The following GRAMD1B variants were observed in gnomAD, a reference collection of about 807,000 sequenced individuals.
GRAMD1B encodes the protein GRAM domain containing 1B, also known as protein Aster-B.
Under a neutral mutation model 99.7 loss-of-function variants are expected in GRAMD1B, and 37 were observed. The observed-to-expected ratio is 0.37, with a 90% CI of 0.29 to 0.49. GRAMD1B has a LOEUF of 0.49. GRAMD1B is among the 20% of genes least tolerant of loss of function. The pLI is 0.98. For missense variants in GRAMD1B, 888 were observed against 1,009.2 expected, an observed-to-expected ratio of 0.88 and a Z score of 1.63; for synonymous variants, 427 against 387.6, an observed-to-expected ratio of 1.10 and a Z score of -1.19.
chr11:123,392,916 C>G (rs1565469634), intron 1 of GRAMD1B, among the ~76,000 whole-genome samples: 1 of 152,190 alleles, frequency 6.6e-6, no homozygotes, highest in Admixed American at 6.5e-5. Context: ...TTTACTTCAA[C>G]CACTTTTCTT....
At chr11:123,548,321 T>TAC (rs1484787385) in intron 2 of GRAMD1B, among the ~76,000 whole-genome samples, 9 of 107,216 alleles carry the variant, frequency 8.4e-5, no homozygotes, top group Non-Finnish European at 1.4e-4. Flanking sequence ...TATATATATA[T>TAC]ATATACACAC....
chr11:123,409,202 G>A (rs1204096909), intron 1 of GRAMD1B, among the ~76,000 whole-genome samples: 1 of 152,182 alleles, frequency 6.6e-6, no homozygotes, highest in Non-Finnish European at 1.5e-5. Flanking sequence ...TAATTTGGAA[G>A]GAGCACACCT....
At chr11:123,512,398 T>C (rs1046762011) in intron 2 of GRAMD1B, among the ~76,000 whole-genome samples, 1 of 152,230 alleles carries the variant, frequency 6.6e-6, no homozygotes, top group Non-Finnish European at 1.5e-5. Context: ...ATTCTGTGGC[T>C]GGTTTGGAAA....
rs554426652 is a variant in GRAMD1B, at chr11:123,549,310, C to T, written c.453-28057C>T. ...CTGTAATCCCAGCACTTTGGGAGGC[C>T]GAGGTGGGTGGATCACGAGGTCAGG... On this transcript the variant is annotated intron_variant, in intron 2 of 19. Transcript: ENST00000635736. Among the ~76,000 whole-genome samples, 5 of 152,018 alleles carry T rather than the reference C, an allele frequency of 3.3e-5. 1 individual carries two copies. Among genetic ancestry groups the T allele is most frequent in the Admixed American group, 2.0e-4 (3 of 15,256 alleles).
chr11:123,591,805 G>A lies in GRAMD1B; in HGVS notation c.685-2277G>A, dbSNP rs1297750934. On this transcript the variant is annotated intron_variant, in intron 4 of 19. Coordinates refer to ENST00000635736, the MANE Select transcript of GRAMD1B (RefSeq NM_001387025.1). This position sits in a 1 kb window ranked among gnomAD's most constrained non-coding sequence, Gnocchi z 4.7. Reference sequence around the variant, plus strand: ...CCTGCCATGCACACAACAGCCTTGTGGAATAGGCTTGTGTTGGGAAGCCTG... The same window carrying A: ...CCTGCCATGCACACAACAGCCTTGTAGAATAGGCTTGTGTTGGGAAGCCTG... Among the ~76,000 whole-genome samples, 2 of 152,208 alleles carry A rather than the reference G, an allele frequency of 1.3e-5. No homozygotes were observed. The highest frequency in any genetic ancestry group is 4.8e-5 in the African/African-American group (2 of 41,456).
At chr11:123,405,916 T>C (rs979116131) in intron 1 of GRAMD1B, among the ~76,000 whole-genome samples, 1 of 152,216 alleles carries the variant, frequency 6.6e-6, no homozygotes, top group African/African-American at 2.4e-5. Flanking sequence ...AAATTCTTTT[T>C]CAGTATTTTG....
chr11:123,615,112 G>C (rs1471287179), intron 17 of GRAMD1B, among the ~76,000 whole-genome samples: 1 of 152,198 alleles, frequency 6.6e-6, no homozygotes, highest in East Asian at 1.9e-4. Flanking sequence ...TTTCAAGTGG[G>C]TGAGAGAGAC....
chr11:123,539,297 C>A (rs900595761), intron 2 of GRAMD1B, among the ~76,000 whole-genome samples: 14 of 152,200 alleles, frequency 9.2e-5, no homozygotes, highest in Middle Eastern at 3.4e-3. Flanking sequence ...ACATTACCAA[C>A]GCTTCTTCAA....
At chr11:123,599,486 T>A (rs1951687832) in intron 7 of GRAMD1B, 1 of 587,688 alleles carries the variant, frequency 1.7e-6, no homozygotes, top group African/African-American at 1.9e-5. Context: ...TTGTTGCTGT[T>A]TTTTGAGGCG....
intron 1 of GRAMD1B, among the ~76,000 whole-genome samples, chr11:123,380,033 T>C (rs1419351760): frequency 6.6e-6 from 1 of 152,242 alleles, no homozygotes; most frequent in Admixed American, 6.5e-5. Flanking sequence ...TTTAAAAAAA[T>C]TATTTTGTTA....
rs751599400 is a variant in GRAMD1B, at chr11:123,584,283, C to T, written c.664-29C>T. On this transcript the variant is annotated intron_variant, in intron 3 of 19. Coordinates refer to ENST00000635736, the MANE Select transcript of GRAMD1B (RefSeq NM_001387025.1). ...CCCCCCATTTCTTCCCTGACTAATT[C>T]TACCTTCTCTTTCATTTTCTCTTTT... 2.5e-5 allele frequency: 23 copies of T among 904,058 alleles called. No homozygotes were observed. In the South Asian group the frequency reaches 3.7e-4, roughly 15 times the overall value. The allele number at this position is 904,058 out of a possible 1,614,324, so 56.0% of individuals were successfully genotyped here. A position where few individuals can be genotyped will look rare whatever the true frequency, so the allele number is the denominator to read the frequency against.
Position 123,608,722 on chromosome 11 carries a change from T to G in GRAMD1B, c.1577T>G (p.Phe526Cys). The G allele has an allele frequency of 6.4e-7, 1 of 1,557,832 alleles. No individual in the cohort carries two copies. Among genetic ancestry groups the G allele is most frequent in the Non-Finnish European group, 8.7e-7 (1 of 1,149,978 alleles). The change falls in exon 12 of 20, where the codon TTC (phenylalanine) becomes TGC (cysteine). Residue 526 changes from phenylalanine to cysteine, a missense_variant. This residue lies in a region of GRAMD1B where 269 missense variants were observed against 296.6 expected (regional missense o/e 0.91). Transcript: ENST00000635736. ...CAGTACGTGAATGAAGTCTTCAACT[T>G]CAGCGTGGACAAGCTCTATGACCTC... is the stretch of plus-strand genomic sequence containing the variant. ...GRQYVNEVFN[F>C]SVDKLYDLLF...
At chr11:123,389,421 A>G (rs1947196061) in intron 1 of GRAMD1B, among the ~76,000 whole-genome samples, 1 of 152,036 alleles carries the variant, frequency 6.6e-6, no homozygotes, top group Non-Finnish European at 1.5e-5. Flanking sequence ...CAGCTTCTGT[A>G]AGATACCTGA....
In GRAMD1B at chr11:123,613,540, G is replaced by T. The variant is rs62641671; in HGVS notation, c.2109G>T (p.Thr703=). 6.2e-7 allele frequency: 1 copy of T among 1,613,690 alleles called. No individual in the cohort carries two copies. The highest frequency in any genetic ancestry group is 8.5e-7 in the Non-Finnish European group (1 of 1,179,766). The change falls in exon 16 of 20, where the codon ACG becomes ACT. Residue 703 remains threonine (T), a synonymous_variant. Coordinates refer to ENST00000635736, the MANE Select transcript of GRAMD1B (RefSeq NM_001387025.1). ...SPKEKASKTT[T]VRRRKRPHAH... ...AAGAGAAGGCCAGCAAGACTACAAC[G>T]GTGCGGAGGAGGAAGCGTCCCCATG...
At chr11:123,475,411 G>C (rs185930935) in intron 1 of GRAMD1B, among the ~76,000 whole-genome samples, 1 of 152,232 alleles carries the variant, frequency 6.6e-6, no homozygotes, top group Non-Finnish European at 1.5e-5. Flanking sequence ...TTTCCCTCAG[G>C]AATATCCCAG....
chr11:123,379,938 C>A (rs1424420738), intron 1 of GRAMD1B, among the ~76,000 whole-genome samples: 1 of 152,216 alleles, frequency 6.6e-6, no homozygotes, highest in Non-Finnish European at 1.5e-5. Context: ...CCTGATGGCT[C>A]ATGACGTTCA....
At chr11:123,372,855 T>A (rs193274737) in intron 1 of GRAMD1B, among the ~76,000 whole-genome samples, 10 of 152,194 alleles carry the variant, frequency 6.6e-5, no homozygotes, top group Non-Finnish European at 4.4e-5. Context: ...TTGAGAGCTC[T>A]CTGGCTGGGT....
At chr11:123,487,169 T>C (rs1345695194) in intron 2 of GRAMD1B, among the ~76,000 whole-genome samples, 1 of 152,218 alleles carries the variant, frequency 6.6e-6, no homozygotes, top group Non-Finnish European at 1.5e-5. Context: ...CTCAACAGCC[T>C]TATCAGGTAC....
intron 1 of GRAMD1B, among the ~76,000 whole-genome samples, chr11:123,386,144 A>C (rs79336615): frequency 6.6e-6 from 1 of 152,228 alleles, no homozygotes; most frequent in African/African-American, 2.4e-5. Context: ...CCATCTGTCA[A>C]GTGAGATTCT....
Sources: gnomAD v4.1 joint callset for allele counts (sites outside exome capture counted in the v4.1 genomes callset) on GRCh38, gnomAD v4.1.1 for gene constraint, gnomAD v4.1.1 regional missense constraint, Gnocchi (gnomAD v3.1) non-coding constraint, MANE v1.5 for transcripts, NCBI Gene and HGNC (gene_info 2026-07-23, HGNC 2026-07-21) for gene names.